Variants in JAKMIP3 observed in about 807,000 individuals in gnomAD.
The protein encoded by JAKMIP3 is Janus kinase and microtubule interacting protein 3, also known as janus kinase and microtubule-interacting protein 3.
In JAKMIP3, 58 loss-of-function variants were observed where a neutral mutation model predicts 118.5. The ratio of observed to expected loss-of-function variants is 0.49; its 90% CI spans 0.40 to 0.61. The LOEUF is 0.61. JAKMIP3 is among the 20% of genes least tolerant of loss of function. The pLI is 0.00. For missense variants in JAKMIP3, 950 were observed against 1,109.0 expected (o/e 0.86, Z 2.04); for synonymous variants, 486 against 451.2 (o/e 1.08, Z -0.98).
At chr10:132,050,299 T>C (rs2038060976) in intron 1 of JAKMIP3, among the ~76,000 whole-genome samples, 1 of 152,212 alleles carries the variant, frequency 6.6e-6, no homozygotes, top group African/African-American at 2.4e-5. Flanking sequence ...CTGAGGCTTC[T>C]TTCCGGCAGT....
At chr10:132,167,832 C>T (rs1051168570) in intron 22 of JAKMIP3, 121 bp from the exon 23 acceptor site, 2 of 577,094 alleles carry the variant, frequency 3.5e-6, no homozygotes, top group East Asian at 7.0e-5. Flanking sequence ...GCCCTCACCC[C>T]TCGGCCCTCG....
In JAKMIP3 at chr10:132,104,879, C is replaced by T; in HGVS notation, c.71C>T (p.Ala24Val). 6.4e-7 allele frequency: 1 copy of T among 1,573,274 alleles called. No individual in the cohort carries two copies. The highest frequency in any genetic ancestry group is 8.6e-7 in the Non-Finnish European group (1 of 1,160,106). The change falls in exon 2 of 24, where the codon GCC becomes GTC. Residue 24 changes from alanine to valine, a missense_variant. Ala to Val is a moderately conservative substitution (Grantham distance 64, BLOSUM62 0). Transcript: ENST00000684848. Reference protein sequence around the residue: ...KAEALAALQAANEDLRAKLTD... With the variant: ...KAEALAALQAVNEDLRAKLTD... Reference sequence around the variant, plus strand: ...GAGGCCCTCGCGGCGCTGCAGGCGGCCAACGAGGATCTTCGAGCCAAGCTC... The same window carrying T: ...GAGGCCCTCGCGGCGCTGCAGGCGGTCAACGAGGATCTTCGAGCCAAGCTC...
chr10:132,171,128 G>A (rs1017199767), intron 23 of JAKMIP3, among the ~76,000 whole-genome samples: 3 of 152,364 alleles, frequency 2.0e-5, no homozygotes, highest in South Asian at 2.1e-4. Context: ...AGGCTCCCTT[G>A]GGGGAGGTTA....
intron 13 of JAKMIP3, 82 bp downstream of exon 13, chr10:132,145,662 A>G (rs1340689201): frequency 8.3e-7 from 1 of 1,204,198 alleles, no homozygotes; most frequent in Non-Finnish European, 1.2e-6. Flanking sequence ...GGGCTGAAGG[A>G]TGGAGCGAGG....
At chr10:132,129,841 A>G (rs1210842288) in intron 3 of JAKMIP3, among the ~76,000 whole-genome samples, 1 of 148,322 alleles carries the variant, frequency 6.7e-6, no homozygotes, top group Non-Finnish European at 1.5e-5. Flanking sequence ...CTACCCCATC[A>G]CGTCTGGAAC....
intron 11 of JAKMIP3, chr10:132,144,757 C>T (rs978458011): frequency 3.5e-5 from 7 of 197,370 alleles, no homozygotes; most frequent in Admixed American, 1.2e-4. Flanking sequence ...GGTGAAACCC[C>T]GTCTCTACAA....
rs865840298 is a variant in JAKMIP3 at position 132,044,918 on chromosome 10, G to A, written c.-138+8180G>A. On this transcript the variant is annotated intron_variant, in intron 1 of 23. Transcript: ENST00000657785. This position sits in a 1 kb window ranked among gnomAD's most constrained non-coding sequence, Gnocchi z 5.3. Reference sequence around the variant, plus strand: ...TGGCGTGCTTCACCGTGTTGCATGCGCGTCAGGATTTCCTTCCTTGAAGGC... The same window carrying A: ...TGGCGTGCTTCACCGTGTTGCATGCACGTCAGGATTTCCTTCCTTGAAGGC... Among the ~76,000 whole-genome samples, 2 of 151,820 alleles carry A rather than the reference G, an allele frequency of 1.3e-5. No individual in the cohort carries two copies. The highest frequency in any genetic ancestry group is 2.4e-5 in the African/African-American group (1 of 41,302).
Position 132,080,511 on chromosome 10 carries a change from T to C in JAKMIP3, c.-138+14450T>C, listed in dbSNP as rs1263409286. Among the ~76,000 whole-genome samples, 10 of 36,368 alleles carry C rather than the reference T, an allele frequency of 2.7e-4. No individual in the cohort carries two copies. In the Admixed American group the frequency reaches 3.4e-3, roughly 12 times the overall value. The allele number at this position is 36,368 out of a possible 152,430, so 23.9% of individuals were successfully genotyped here. On this transcript the variant is annotated intron_variant, in intron 1 of 23. Coordinates refer to ENST00000684848, the MANE Select transcript of JAKMIP3 (RefSeq NM_001323087.2). ...TGCTGTCAAGTTATAGGATTTTTTTTTTTTTTTTTTTTTTTTTTTTTTTTT... is the reference window on the plus strand; with the variant it reads ...TGCTGTCAAGTTATAGGATTTTTTTCTTTTTTTTTTTTTTTTTTTTTTTTT...
intron 16 of JAKMIP3, among the ~76,000 whole-genome samples, chr10:132,152,380 G>A (rs553579298): frequency 6.6e-6 from 1 of 152,356 alleles, no homozygotes; most frequent in East Asian, 1.9e-4. Context: ...AGCAGAGTCT[G>A]AGAGTGTGAG....
intron 3 of JAKMIP3, among the ~76,000 whole-genome samples, chr10:132,120,993 T>C (rs1220343041): frequency 2.0e-5 from 3 of 151,916 alleles, no homozygotes; most frequent in Non-Finnish European, 2.9e-5. Flanking sequence ...GGCAGCTTCA[T>C]GAGGATGGGG....
chr10:132,167,842 G>A (rs554492108), intron 22 of JAKMIP3, 111 bp from the exon 23 acceptor site: 37 of 630,816 alleles, frequency 5.9e-5, no homozygotes, highest in African/African-American at 3.5e-4. Context: ...CTCGGCCCTC[G>A]CCCCTCGCCC....
At chr10:132,108,976 TACGCAAATGTATATATACATATAC>T (rs771079201) in intron 2 of JAKMIP3, among the ~76,000 whole-genome samples, 2 of 130,174 alleles carry the variant, frequency 1.5e-5, no homozygotes, top group Admixed American at 7.4e-5. Context: ...ATAAATTATA[TACGCAAATGTATATATACATATAC>T]ACGCAAATGT....
At chr10:132,110,040 A>G (rs1564909564) in intron 2 of JAKMIP3, among the ~76,000 whole-genome samples, 1 of 152,194 alleles carries the variant, frequency 6.6e-6, no homozygotes, top group Non-Finnish European at 1.5e-5. Flanking sequence ...GGAGCCTCCT[A>G]TCTAATTTCC....
intron 9 of JAKMIP3, among the ~76,000 whole-genome samples, chr10:132,139,237 CATCTGTGTGTGT>C (rs1378719294): frequency 3.6e-5 from 3 of 82,226 alleles, no homozygotes; most frequent in African/African-American, 1.6e-4. Context: ...AGTGTATATG[CATCTGTGTGTGT>C]ATGTGTGTGT....
At chr10:132,169,276 C>T (rs1341842831) in intron 23 of JAKMIP3, among the ~76,000 whole-genome samples, 2 of 152,112 alleles carry the variant, frequency 1.3e-5, no homozygotes, top group South Asian at 4.2e-4. Context: ...GGGGACCTGG[C>T]GTCTGGCAGA....
chr10:132,106,358 A>T (rs76299546), intron 2 of JAKMIP3, among the ~76,000 whole-genome samples: 45 of 115,836 alleles, frequency 3.9e-4, no homozygotes, highest in Admixed American at 1.1e-3. Context: ...AAAATGATTT[A>T]AAAAAAAAAA....
At chr10:132,153,248 C>A (rs969440899) in intron 17 of JAKMIP3, among the ~76,000 whole-genome samples, 1 of 152,224 alleles carries the variant, frequency 6.6e-6, no homozygotes, top group Non-Finnish European at 1.5e-5. Flanking sequence ...TGTCACCAAC[C>A]CTGTCTGCGT....
In JAKMIP3 at chr10:132,180,604, CGTGTGTGTGTGCGTGT is replaced by C. The variant is rs1233656596; in HGVS notation, c.*1104-1747_*1104-1732del. Among the ~76,000 whole-genome samples, 7 of 11,988 alleles carry C rather than the reference CGTGTGTGTGTGCGTGT, an allele frequency of 5.8e-4. 1 individual carries two copies. Among genetic ancestry groups the C allele is most frequent in the South Asian group, 8.3e-3 (2 of 240 alleles). The allele number at this position is 11,988 out of a possible 152,430, so 7.9% of individuals were successfully genotyped here. On this transcript the variant is annotated intron_variant, in intron 23 of 23. Coordinates refer to ENST00000684848, the MANE Select transcript of JAKMIP3 (RefSeq NM_001323087.2). Reference sequence around the variant, plus strand: ...GCGTGCGCGTGTGTGTGTGCGTGCGCGTGTGTGTGTGCGTGTGTGTGCGTGTGTGCGTGCGTGTGTG... The same window carrying C: ...GCGTGCGCGTGTGTGTGTGCGTGCGCGTGTGCGTGTGTGCGTGCGTGTGTG...
intron 1 of JAKMIP3, among the ~76,000 whole-genome samples, chr10:132,093,263 C>G (rs1464196661): frequency 6.6e-6 from 1 of 152,190 alleles, no homozygotes; most frequent in Non-Finnish European, 1.5e-5. Context: ...ATTTCAAACT[C>G]CATGCTGGGA....
Sources: gnomAD v4.1 joint callset for allele counts (sites outside exome capture counted in the v4.1 genomes callset) on GRCh38, gnomAD v4.1.1 for gene constraint, Gnocchi (gnomAD v3.1) non-coding constraint, MANE v1.5 for transcripts, NCBI Gene and HGNC (gene_info 2026-07-23, HGNC 2026-07-21) for gene names.